PKHD1: variants seen among roughly 807,000 people sequenced by gnomAD.
PKHD1 encodes the protein PKHD1 ciliary IPT domain containing fibrocystin/polyductin, also known as fibrocystin.
A neutral mutation model predicts 412.0 loss-of-function variants in PKHD1; 291 were observed. The observed-to-expected ratio is 0.71, with a 90% CI of 0.64 to 0.78. The LOEUF is 0.78. Among genes scored for constraint, PKHD1 ranks in the 30% least tolerant of loss-of-function variants. PKHD1 has a pLI of 0.00. For synonymous variants in PKHD1, 1,777 were observed against 1,821.5 expected, an observed-to-expected ratio of 0.98 and a Z score of 0.62; for missense variants, 4,825 against 4,950.7, an observed-to-expected ratio of 0.97 and a Z score of 0.76.
chr6:51,941,005 T>C (rs1431437418), intron 36 of PKHD1, among the ~76,000 whole-genome samples: 1 of 151,310 alleles, frequency 6.6e-6, no homozygotes, highest in Non-Finnish European at 1.5e-5. Flanking sequence ...CACACCTCAC[T>C]GCTGCCCTTT....
intron 43 of PKHD1, among the ~76,000 whole-genome samples, chr6:51,898,844 A>T (rs1235660741): frequency 6.6e-6 from 1 of 152,004 alleles, no homozygotes; most frequent in Non-Finnish European, 1.5e-5. Context: ...ATCACCACCG[A>T]TCCCACAGAA....
intron 48 of PKHD1, among the ~76,000 whole-genome samples, chr6:51,863,953 C>T (rs1006266327): frequency 6.6e-6 from 1 of 152,066 alleles, no homozygotes; most frequent in South Asian, 2.1e-4. Flanking sequence ...ATTTGCCCTC[C>T]TTGCCATTTA....
At chr6:51,761,935 G>C (rs1788085691) in intron 55 of PKHD1, among the ~76,000 whole-genome samples, 1 of 151,872 alleles carries the variant, frequency 6.6e-6, no homozygotes, top group Non-Finnish European at 1.5e-5. Context: ...TAGTTTCTTA[G>C]GTCAAAAATT....
At chr6:51,831,939 T>C (rs2151518075) in intron 51 of PKHD1, among the ~76,000 whole-genome samples, 1 of 152,290 alleles carries the variant, frequency 6.6e-6, no homozygotes, top group South Asian at 2.1e-4. Context: ...ATGTGATTAC[T>C]GGTACAGAGT....
intron 60 of PKHD1, among the ~76,000 whole-genome samples, chr6:51,736,133 T>C (rs1274571275): frequency 1.3e-5 from 2 of 152,006 alleles, no homozygotes; most frequent in East Asian, 3.9e-4. Context: ...GAGCCAGAAA[T>C]ATGGTGGACA....
At chr6:51,628,948 A>C (rs1391883641) in intron 65 of PKHD1, among the ~76,000 whole-genome samples, 1 of 152,214 alleles carries the variant, frequency 6.6e-6, no homozygotes, top group Middle Eastern at 3.2e-3. Flanking sequence ...AAAGCCAACA[A>C]TAACAAGCAA....
At chr6:51,748,893 G>A (rs545793229) in intron 57 of PKHD1, among the ~76,000 whole-genome samples, 2 of 152,304 alleles carry the variant, frequency 1.3e-5, no homozygotes, top group South Asian at 2.1e-4. Flanking sequence ...TCTGGTGACA[G>A]GACAGGGAAA....
intron 50 of PKHD1, among the ~76,000 whole-genome samples, chr6:51,843,117 C>T (rs1208440742): frequency 6.6e-6 from 1 of 152,108 alleles, no homozygotes; most frequent in Non-Finnish European, 1.5e-5. Flanking sequence ...GCTGGGATGC[C>T]GAGAGGATCG....
chr6:52,021,446 T>C (rs775440335), intron 33 of PKHD1, among the ~76,000 whole-genome samples: 18 of 152,194 alleles, frequency 1.2e-4, no homozygotes, highest in South Asian at 6.2e-4. Context: ...TTTTAAAAAA[T>C]GTAGCAGTAT....
At chr6:51,637,680 C>A (rs772382511) in intron 64 of PKHD1, among the ~76,000 whole-genome samples, 1 of 151,470 alleles carries the variant, frequency 6.6e-6, no homozygotes, top group East Asian at 1.9e-4. Flanking sequence ...CTGAGGCAGG[C>A]GAATCACGAG....
At chr6:51,903,958 TA>T (rs773174974) in intron 42 of PKHD1, 27 bp downstream of exon 42, 1 of 1,442,876 alleles carries the variant, frequency 6.9e-7, no homozygotes. Flanking sequence ...TACACTGTAA[TA>T]GATTTAAAAT....
chr6:52,042,575 C>T (rs1805080733), intron 27 of PKHD1, among the ~76,000 whole-genome samples: 1 of 152,152 alleles, frequency 6.6e-6, no homozygotes, highest in Non-Finnish European at 1.5e-5. Flanking sequence ...CCAAGTATCC[C>T]AGTGTGCATC....
chr6:52,055,311 A>C (rs1807542462), intron 19 of PKHD1, among the ~76,000 whole-genome samples: 2 of 152,218 alleles, frequency 1.3e-5, no homozygotes, highest in Admixed American at 1.3e-4. Flanking sequence ...CACAGTCTGT[A>C]CTCTTAGAGA....
chr6:52,072,671 T>C (rs969348662), intron 7 of PKHD1, among the ~76,000 whole-genome samples: 5 of 152,144 alleles, frequency 3.3e-5, no homozygotes, highest in Admixed American at 6.6e-5. Flanking sequence ...AATAAGATCA[T>C]ATTCTCTTCA....
chr6:51,956,415 C>G (rs995400915), intron 36 of PKHD1, among the ~76,000 whole-genome samples: 1 of 151,862 alleles, frequency 6.6e-6, no homozygotes, highest in African/African-American at 2.4e-5. Flanking sequence ...AAAATATACA[C>G]TTCTTAAATT....
intron 66 of PKHD1, among the ~76,000 whole-genome samples, chr6:51,620,787 C>CATAT (rs534708807): frequency 0.012 from 1,742 of 146,820 alleles, 15 homozygotes; most frequent in Non-Finnish European, 0.018. Context: ...ATTATATATA[C>CATAT]ATATATATAT....
chr6:51,858,158 T>C (rs1250585201), intron 48 of PKHD1, among the ~76,000 whole-genome samples: 1 of 152,168 alleles, frequency 6.6e-6, no homozygotes, highest in Non-Finnish European at 1.5e-5. Context: ...ATTTCATCCC[T>C]CCCCTTCTTT....
chr6:51,904,449 CA>C (rs1441305875), intron 41 of PKHD1, among the ~76,000 whole-genome samples: 4 of 152,080 alleles, frequency 2.6e-5, no homozygotes, highest in African/African-American at 9.7e-5. Flanking sequence ...CCTTCTCACC[CA>C]AACCACTGAG....
rs555582756 is a variant in PKHD1, at chr6:51,749,341, T to C, written c.8951-676A>G. 1.7e-4 allele frequency among the ~76,000 whole-genome samples: 26 copies of C among 152,324 alleles called. No homozygotes were observed. In the South Asian group the frequency reaches 5.4e-3, roughly 32 times the overall value. On this transcript the variant is annotated intron_variant, in intron 57 of 66. Coordinates refer to ENST00000371117, the MANE Select transcript of PKHD1 (RefSeq NM_138694.4). ...TATAAGATTTTCTATATCTTTTATGTGAGGAGAAAATAGTGAATTATTTAC... is the reference window on the plus strand; with the variant it reads ...TATAAGATTTTCTATATCTTTTATGCGAGGAGAAAATAGTGAATTATTTAC...
Sources: gnomAD v4.1 joint callset for allele counts (sites outside exome capture counted in the v4.1 genomes callset) on GRCh38, gnomAD v4.1.1 for gene constraint, MANE v1.5 for transcripts, NCBI Gene and HGNC (gene_info 2026-07-23, HGNC 2026-07-21) for gene names.